SELE: variants seen among roughly 807,000 people sequenced by gnomAD.
SELE encodes the protein selectin E, also known as E-selectin.
SELE carries 52 observed loss-of-function variants against 75.8 expected under a neutral mutation model. That is an observed-to-expected ratio of 0.69 (90% confidence interval 0.55 to 0.86). The LOEUF is 0.86. Ranked by LOEUF, SELE falls within the 40% of genes least tolerant of loss-of-function variation. SELE has a pLI of 0.00. For synonymous variants in SELE, 285 were observed against 258.7 expected, an observed-to-expected ratio of 1.10 and a Z score of -0.98; for missense variants, 754 against 732.7, an observed-to-expected ratio of 1.03 and a Z score of -0.34.
At chr1:169,725,863 T>C in intron 12 of SELE, 44 bp downstream of exon 12, 16 of 1,613,924 alleles carry the variant, frequency 9.9e-6, no homozygotes, top group Non-Finnish European at 1.2e-5. Context: ...GAGAAAAATA[T>C]GTGGAATGTT....
In SELE at chr1:169,732,707, T is replaced by G. The variant is rs773132227; in HGVS notation, c.329A>C (p.Asp110Ala). The G allele has an allele frequency of 6.2e-7, 1 of 1,612,940 alleles. No individual in the cohort carries two copies. The highest frequency in any genetic ancestry group is 2.2e-5 in the East Asian group (1 of 44,790). The change falls in exon 3 of 14, where the codon GAC becomes GCC. Residue 110 changes from aspartate to alanine, a missense_variant. Coordinates refer to ENST00000333360, the MANE Select transcript of SELE (RefSeq NM_000450.2). ...TCTCTTGATGTAGATCTCCACGCAG[T>G]CCTCATCTTTTTGCCTATTGTTGGG... ...GEPNNRQKDE[D>A]CVEIYIKREK...
At chr1:169,729,398 A>G (rs938382802) in intron 6 of SELE, 24 bp from the exon 7 acceptor site, 2 of 1,611,242 alleles carry the variant, frequency 1.2e-6, no homozygotes, top group African/African-American at 2.7e-5. Flanking sequence ...ACGCATTGAT[A>G]TTAGCACGGC....
Position 169,726,721 on chromosome 1 carries a change from C to A in SELE, c.1731G>T (p.Trp577Cys). The A allele has an allele frequency of 6.2e-7, 1 of 1,613,314 alleles. No homozygotes were observed. The highest frequency in any genetic ancestry group is 1.3e-5 in the African/African-American group (1 of 74,964). ...SLLTLAPFLL[W>C]LRKCLRKAKK... is the part of the protein sequence containing the mutation. ...CACCTTTCCGTAAGCATTTCCGAAGCCAGAGGAGAAATGGTGCTAATGTCA... is the reference window on the plus strand; with the variant it reads ...CACCTTTCCGTAAGCATTTCCGAAGACAGAGGAGAAATGGTGCTAATGTCA... The change falls in exon 11 of 14, where the codon TGG becomes TGT. Residue 577 changes from tryptophan (W) to cysteine (C), a missense_variant. Coordinates refer to ENST00000333360, the MANE Select transcript of SELE (RefSeq NM_000450.2).
chr1:169,733,448 T>C (rs922639509), intron 2 of SELE, 128 bp downstream of exon 2: 3 of 891,662 alleles, frequency 3.4e-6, no homozygotes, highest in African/African-American at 3.3e-5. Context: ...GAAGAACACA[T>C]TGCAGGTAGA....
At chr1:169,726,843 G>A (rs3917428) in intron 10 of SELE, 37 bp from the exon 11 acceptor site, 136,615 of 1,450,976 alleles carry the variant, frequency 0.094, 8,253 homozygotes, top group Admixed American at 0.25. Flanking sequence ...TCATGAGGAA[G>A]AATTGATGTT....
rs894711020 is a variant in SELE, at chr1:169,729,645, T to A, written c.744A>T (p.Pro248=). Residue 248 remains proline (P), a synonymous_variant, in exon 6 of 14, where the codon CCA becomes CCT. Coordinates refer to ENST00000333360, the MANE Select transcript of SELE (RefSeq NM_000450.2). ...GGAAACATTCCACGAACCCATTGGC[T>A]GGATTTGTCACAGCATCACACTCAA... ...NVVECDAVTN[P]ANGFVECFQN... 9 of 1,614,048 alleles carry A rather than the reference T, an allele frequency of 5.6e-6. No individual in the cohort carries two copies. Among genetic ancestry groups the A allele is most frequent in the Non-Finnish European group, 7.6e-6 (9 of 1,180,000 alleles).
chr1:169,732,230 A>AT (rs1227504627), intron 3 of SELE, among the ~76,000 whole-genome samples: 1 of 151,764 alleles, frequency 6.6e-6, no homozygotes, highest in Non-Finnish European at 1.5e-5. Context: ...TAAAATATGT[A>AT]TTGTGTGTGT....
rs1387499287 is a variant in SELE at position 169,723,444 on chromosome 1, A to G, written c.*1081T>C. 1 of 152,234 alleles carries G rather than the reference A, an allele frequency of 6.6e-6. No homozygotes were observed. The highest frequency in any genetic ancestry group is 2.4e-5 in the African/African-American group (1 of 41,462). 9.4% of individuals were successfully genotyped at this position (152,234 alleles called of 1,614,324 possible). A position where few individuals can be genotyped will look rare whatever the true frequency, so the allele number is the denominator to read the frequency against. ...CATCTTTCTGTATTCTTTTCCAACA[A>G]AGACATTCATAAAATTATACCTTTG... On this transcript the variant is annotated 3_prime_UTR_variant, in exon 14 of 14. Coordinates refer to ENST00000333360, the MANE Select transcript of SELE (RefSeq NM_000450.2).
chr1:169,730,477 A>G lies in SELE; in HGVS notation c.670T>C (p.Cys224Arg), dbSNP rs753815617. ...YLPSSMETMQ[C>R]MSSGEWSAPI... ...GCACTCCATTCTCCAGAGGACATAC[A>G]CTGCATGGTCTCCATGCTGCTTGGC... The change falls in exon 5 of 14, where the codon TGT becomes CGT. Residue 224 changes from cysteine (C) to arginine (R), a missense_variant. Cys to Arg is a radical substitution (Grantham distance 180). Transcript: ENST00000333360. The G allele has an allele frequency of 8.1e-6, 13 of 1,613,888 alleles. No individual in the cohort carries two copies. The East Asian group carries it at 1.8e-4, about 22-fold the overall frequency.
chr1:169,732,009 A>G, intron 3 of SELE, 67 bp from the exon 4 acceptor site: 1 of 983,964 alleles, frequency 1.0e-6, no homozygotes, highest in Non-Finnish European at 1.6e-6. Flanking sequence ...CTTTGATTTT[A>G]GAATCAACAG....
chr1:169,727,475 T>A lies in SELE; in HGVS notation c.1519A>T (p.Ser507Cys). Reference sequence around the variant, plus strand: ...ACAGTGCCAAACACGGGCTCCCCACTGCAGCTCATGTTGATCTTTCCCGGA... The same window carrying A: ...ACAGTGCCAAACACGGGCTCCCCACAGCAGCTCATGTTGATCTTTCCCGGA... ...AVPGKINMSCSGEPVFGTVCK... is the reference protein window; with the variant it reads ...AVPGKINMSCCGEPVFGTVCK... The change falls in exon 10 of 14, where the codon AGT becomes TGT. Residue 507 changes from serine (S) to cysteine (C), a missense_variant. Physicochemically the swap from Ser to Cys is moderately radical, Grantham distance 112. Coordinates refer to ENST00000333360, the MANE Select transcript of SELE (RefSeq NM_000450.2). 1.9e-6 allele frequency: 3 copies of A among 1,614,180 alleles called. No homozygotes were observed. Among genetic ancestry groups the A allele is most frequent in the South Asian group, 1.1e-5 (1 of 91,084 alleles).
At chr1:169,729,119 T>A in intron 7 of SELE, 67 bp downstream of exon 7, 1 of 1,438,118 alleles carries the variant, frequency 7.0e-7, no homozygotes, top group Non-Finnish European at 9.4e-7. Context: ...TGGTTTTTTT[T>A]TTCACTGTCC....
chr1:169,727,721 G>A lies in SELE; in HGVS notation c.1468+18C>T. On this transcript the variant is annotated intron_variant, in intron 9 of 13. Coordinates refer to ENST00000333360, the MANE Select transcript of SELE (RefSeq NM_000450.2). ...AGTATTTGACCTGTACCCTAAAAAA[G>A]TCTGCACTCAATTCTACCTTGGCAG... 6.2e-7 allele frequency: 1 copy of A among 1,610,618 alleles called. No homozygotes were observed. The highest frequency in any genetic ancestry group is 2.2e-5 in the East Asian group (1 of 44,820).
intron 8 of SELE, 41 bp downstream of exon 8, chr1:169,728,012 CAATAG>C: frequency 6.3e-7 from 1 of 1,585,252 alleles, no homozygotes; most frequent in Non-Finnish European, 8.5e-7. Flanking sequence ...CCAAGCTCTT[CAATAG>C]TTCTTTTTAT....
chr1:169,727,473 A>G lies in SELE; in HGVS notation c.1521T>C (p.Ser507=). Residue 507 remains serine, a synonymous_variant, in exon 10 of 14, where the codon AGT becomes AGC. Transcript: ENST00000333360. The part of the protein sequence containing the change: ...AVPGKINMSC[S]GEPVFGTVCK... Reference sequence around the variant, plus strand: ...ACACAGTGCCAAACACGGGCTCCCCACTGCAGCTCATGTTGATCTTTCCCG... The same window carrying G: ...ACACAGTGCCAAACACGGGCTCCCCGCTGCAGCTCATGTTGATCTTTCCCG... 2 of 1,614,152 alleles carry G rather than the reference A, an allele frequency of 1.2e-6. No homozygotes were observed. Among genetic ancestry groups the G allele is most frequent in the Non-Finnish European group, 1.7e-6 (2 of 1,180,006 alleles).
rs750482750 is a variant in SELE at position 169,729,181 on chromosome 1, C to G, written c.1090+5G>C. ...AAAGTATAAATCGAAGGATCTCAAG[C>G]TTACCTTCACAAACTGGGATTTGCT... On this transcript the variant is annotated splice_donor_5th_base_variant and intron_variant, in intron 7 of 13. Coordinates refer to ENST00000333360, the MANE Select transcript of SELE (RefSeq NM_000450.2). The G allele has an allele frequency of 8.8e-6, 14 of 1,598,204 alleles. No individual in the cohort carries two copies. The highest frequency in any genetic ancestry group is 1.2e-5 in the Non-Finnish European group (14 of 1,170,516).
At chr1:169,730,698 G>A (rs575196658) in intron 4 of SELE, 81 bp from the exon 5 acceptor site, 1 of 566,742 alleles carries the variant, frequency 1.8e-6, no homozygotes, top group Non-Finnish European at 2.6e-6. Context: ...CTACAGTTTG[G>A]TTTTTTTTTT....
At chr1:169,729,107 A>C in intron 7 of SELE, 79 bp downstream of exon 7, 2 of 1,278,482 alleles carry the variant, frequency 1.6e-6, no homozygotes, top group South Asian at 1.5e-5. Flanking sequence ...TAAAGTGGGT[A>C]TTGGTTTTTT....
chr1:169,729,348 G>GCTGGC lies in SELE; in HGVS notation c.923_927dup (p.Pro310AlafsTer8), dbSNP rs756693192. 12 of 1,614,016 alleles carry GCTGGC rather than the reference G, an allele frequency of 7.4e-6. No individual in the cohort carries two copies. The East Asian group carries it at 2.7e-4, about 36-fold the overall frequency. ...CTGCACCTCACAGAGCCATTCTGAGGCTGGCGGACGGCCCTGCATGTCACA... is the reference window on the plus strand; with the variant it reads ...CTGCACCTCACAGAGCCATTCTGAGGCTGGCCTGGCGGACGGCCCTGCATGTCACA... On this transcript the variant is annotated frameshift_variant, in exon 7 of 14. Transcript: ENST00000333360. LOFTEE classifies it high-confidence loss of function.
Sources: allele counts gnomAD v4.1 joint callset (sites outside exome capture counted in the v4.1 genomes callset), GRCh38; gene constraint gnomAD v4.1.1; transcripts MANE v1.5; gene names NCBI Gene and HGNC (gene_info 2026-07-23, HGNC 2026-07-21).